Variants in UNG observed in about 807,000 individuals in gnomAD.
UNG encodes uracil-DNA glycosylase.
A neutral mutation model predicts 36.5 loss-of-function variants in UNG; 34 were observed. That is an observed-to-expected ratio of 0.93 (90% confidence interval 0.71 to 1.24). The LOEUF (loss-of-function observed/expected upper bound fraction) is 1.24. UNG is among the 50% of genes most tolerant of loss of function. The pLI, the probability that UNG is intolerant of heterozygous loss-of-function variation, is 0.00. For missense variants in UNG, 391 were observed against 397.6 expected, an observed-to-expected ratio of 0.98 and a Z score of 0.14; for synonymous variants, 172 against 157.8, an observed-to-expected ratio of 1.09 and a Z score of -0.67.
intron 2 of UNG, 136 bp from the exon 3 acceptor site, chr12:109,099,052 GT>G: frequency 1.1e-6 from 1 of 924,872 alleles, no homozygotes. Flanking sequence ...TTTGTTTGTT[GT>G]TTTTTAAAAG....
intron 6 of UNG, among the ~76,000 whole-genome samples, chr12:109,106,024 A>G (rs781658709): frequency 1.2e-4 from 18 of 152,178 alleles, no homozygotes; most frequent in Non-Finnish European, 2.5e-4. Context: ...CTGCCTTTGC[A>G]TATCCTGCTT....
intron 6 of UNG, among the ~76,000 whole-genome samples, chr12:109,107,317 T>C (rs928489157): frequency 3.3e-5 from 5 of 151,808 alleles, no homozygotes; most frequent in South Asian, 4.2e-4. Flanking sequence ...CCTCCCACCT[T>C]AGTCACCTGA....
In UNG at chr12:109,110,108, G is replaced by A; in HGVS notation, c.*139G>A. ...CTTCCAGAAAGCAGCCATGAACCAG[G>A]CTGTCCAGGAATGGCAGCTGTATCC... On this transcript the variant is annotated 3_prime_UTR_variant, in exon 7 of 7. Transcript: ENST00000242576. 1.6e-6 allele frequency: 2 copies of A among 1,224,018 alleles called. No homozygotes were observed. The highest frequency in any genetic ancestry group is 2.5e-5 in the East Asian group (1 of 39,916). The allele number at this position is 1,224,018 out of a possible 1,614,324, so 75.8% of individuals were successfully genotyped here.
At chr12:109,102,713 G>A (rs1243209774) in intron 4 of UNG, 126 bp from the exon 5 acceptor site, 2 of 727,550 alleles carry the variant, frequency 2.7e-6, no homozygotes, top group Non-Finnish European at 4.9e-6. Flanking sequence ...GGCGCCATAT[G>A]TGCCAGTGTC....
rs1284981897 is a variant in UNG, at chr12:109,101,926, G to A, written c.460G>A (p.Asp154Asn). The A allele has an allele frequency of 1.2e-6, 2 of 1,614,018 alleles. No homozygotes were observed. ...KDVKVVILGQ[D>N]PYHGPNQAHG... ...GGTGAAGGTTGTCATCCTGGGACAGGATCCATATCATGGACCTAATCAAGC... is the reference window on the plus strand; with the variant it reads ...GGTGAAGGTTGTCATCCTGGGACAGAATCCATATCATGGACCTAATCAAGC... Residue 154 changes from aspartate (D) to asparagine (N), a missense_variant, in exon 4 of 7, where the codon GAT becomes AAT. Physicochemically the swap from Asp to Asn is conservative, Grantham distance 23. Coordinates refer to ENST00000242576, the MANE Select transcript of UNG (RefSeq NM_080911.3).
rs1373938924 is a variant in UNG at position 109,110,834 on chromosome 12, G to T, written c.*865G>T. 1 of 150,188 alleles carries T rather than the reference G, an allele frequency of 6.7e-6. No homozygotes were observed. Among genetic ancestry groups the T allele is most frequent in the African/African-American group, 2.4e-5 (1 of 40,920 alleles). 9.3% of individuals were successfully genotyped at this position (150,188 alleles called of 1,614,324 possible). Reference sequence around the variant, plus strand: ...TAGTTTTTTAAGAAGTACTCATGCAGATATATATATATATATTTTTCCCAG... The same window carrying T: ...TAGTTTTTTAAGAAGTACTCATGCATATATATATATATATATTTTTCCCAG... On this transcript the variant is annotated 3_prime_UTR_variant, in exon 7 of 7. Coordinates refer to ENST00000242576, the MANE Select transcript of UNG (RefSeq NM_080911.3).
chr12:109,101,652 A>G (rs998007144), intron 3 of UNG, among the ~76,000 whole-genome samples: 3 of 152,170 alleles, frequency 2.0e-5, no homozygotes, highest in Admixed American at 6.5e-5. Context: ...CGAGGCTGCC[A>G]TGAGCTGTGA....
chr12:109,098,694 T>A, intron 2 of UNG, 56 bp downstream of exon 2: 2 of 1,610,632 alleles, frequency 1.2e-6, no homozygotes, highest in Non-Finnish European at 1.7e-6. Flanking sequence ...CCGGCCCTTT[T>A]GTCTTGTTAG....
chr12:109,098,645 A>G lies in UNG; in HGVS notation c.339+7A>G. 1 of 1,613,266 alleles carries G rather than the reference A, an allele frequency of 6.2e-7. No homozygotes were observed. Among genetic ancestry groups the G allele is most frequent in the African/African-American group, 1.3e-5 (1 of 75,062 alleles). Reference sequence around the variant, plus strand: ...GAAACCGTATTTTATCAAGGTAAATATGGAAATGCACCTTCCATAAGGGTA... The same window carrying G: ...GAAACCGTATTTTATCAAGGTAAATGTGGAAATGCACCTTCCATAAGGGTA... On this transcript the variant is annotated splice_region_variant and intron_variant, in intron 2 of 6. Coordinates refer to ENST00000242576, the MANE Select transcript of UNG (RefSeq NM_080911.3).
chr12:109,102,863 G>A lies in UNG; in HGVS notation c.558G>A (p.Leu186=), dbSNP rs1279882347. ...PPSLENIYKE[L]STDIEDFVHP... is the part of the protein sequence containing the mutation. Reference sequence around the variant, plus strand: ...GTTTGGAGAACATTTATAAAGAGTTGTCTACAGACATAGAGGATTTTGTTC... The same window carrying A: ...GTTTGGAGAACATTTATAAAGAGTTATCTACAGACATAGAGGATTTTGTTC... The change falls in exon 5 of 7, where the codon TTG becomes TTA. Residue 186 remains leucine (L), a synonymous_variant. Coordinates refer to ENST00000242576, the MANE Select transcript of UNG (RefSeq NM_080911.3). 1 of 1,611,672 alleles carries A rather than the reference G, an allele frequency of 6.2e-7. No individual in the cohort carries two copies. The highest frequency in any genetic ancestry group is 2.2e-5 in the East Asian group (1 of 44,752).
intron 4 of UNG, among the ~76,000 whole-genome samples, chr12:109,102,541 A>G (rs3021100): frequency 6.6e-6 from 1 of 152,136 alleles, no homozygotes; most frequent in South Asian, 2.1e-4. Context: ...TGCTAAGGAC[A>G]GAAAACTGTC....
At chr12:109,106,492 A>G (rs1048790870) in intron 6 of UNG, among the ~76,000 whole-genome samples, 5 of 152,144 alleles carry the variant, frequency 3.3e-5, no homozygotes, top group Non-Finnish European at 5.9e-5. Flanking sequence ...AAAATGGTCT[A>G]TATCTCCCTG....
chr12:109,106,905 G>GTGTATATATATATATA (rs1428379961), intron 6 of UNG, among the ~76,000 whole-genome samples: 5 of 44,752 alleles, frequency 1.1e-4, no homozygotes, highest in African/African-American at 4.6e-4. Flanking sequence ...ATATATATAC[G>GTGTATATATATATATA]TATATATATA....
In UNG at chr12:109,097,849, G is replaced by A. The variant is rs1410758377; in HGVS notation, c.132+38G>A. ...TTGGGCCGGGGCTAGGGGGTGAAGG[G>A]GGAGGAAGGCGGTGGGCCCCGCCTG... On this transcript the variant is annotated intron_variant, in intron 1 of 6. Transcript: ENST00000242576. 16 of 1,492,702 alleles carry A rather than the reference G, an allele frequency of 1.1e-5. No homozygotes were observed. In the South Asian group the frequency reaches 1.7e-4, roughly 16 times the overall value. 92.5% of individuals were successfully genotyped at this position (1,492,702 alleles called of 1,614,324 possible).
rs2042249713 is a variant in UNG, at chr12:109,110,048, A to G, written c.*79A>G. ...ACGAAGTTCCACTGAAAATTTTCCT[A>G]TTAATTCTTAAGTACTCTGCATAAG... is the stretch of plus-strand genomic sequence containing the variant. On this transcript the variant is annotated 3_prime_UTR_variant, in exon 7 of 7. Transcript: ENST00000242576. 1.9e-6 allele frequency: 3 copies of G among 1,601,528 alleles called. No homozygotes were observed. Among genetic ancestry groups the G allele is most frequent in the Admixed American group, 1.7e-5 (1 of 59,156 alleles).
Position 109,110,080 on chromosome 12 carries a change from A to G in UNG, c.*111A>G. The G allele has an allele frequency of 6.7e-7, 1 of 1,484,380 alleles. No homozygotes were observed. The highest frequency in any genetic ancestry group is 9.2e-7 in the Non-Finnish European group (1 of 1,087,840). The allele number at this position is 1,484,380 out of a possible 1,614,324, so 92.0% of individuals were successfully genotyped here. A position where few individuals can be genotyped will look rare whatever the true frequency, so the allele number is the denominator to read the frequency against. ...CTTAAGTACTCTGCATAAGGGGGAA[A>G]AGCTTCCAGAAAGCAGCCATGAACC... On this transcript the variant is annotated 3_prime_UTR_variant, in exon 7 of 7. Transcript: ENST00000242576.
At position 109,097,767 on chromosome 12, in the gene UNG, G is replaced by T; in HGVS notation, c.88G>T (p.Gly30Trp). The T allele has an allele frequency of 6.4e-7, 1 of 1,566,890 alleles. No individual in the cohort carries two copies. Among genetic ancestry groups the T allele is most frequent in the East Asian group, 2.4e-5 (1 of 41,782 alleles). Residue 30 changes from glycine (G) to tryptophan (W), a missense_variant, in exon 1 of 7, where the codon GGG (glycine) becomes TGG (tryptophan). Physicochemically the swap from Gly to Trp is radical, Grantham distance 184. Transcript: ENST00000242576. ...CCCCAGCCCCGAGCCGGCCGTCCAG[G>T]GGACCGGCGTGGCTGGGGTGCCTGA... ...HAPSPEPAVQ[G>W]TGVAGVPEES...
At chr12:109,105,581 GA>G (rs1156447167) in intron 6 of UNG, among the ~76,000 whole-genome samples, 1 of 152,126 alleles carries the variant, frequency 6.6e-6, no homozygotes, top group African/African-American at 2.4e-5. Flanking sequence ...TTTTCCAAAC[GA>G]AGTTTCTCCT....
intron 6 of UNG, among the ~76,000 whole-genome samples, chr12:109,108,413 A>C (rs1474256514): frequency 1.3e-5 from 2 of 152,040 alleles, no homozygotes; most frequent in Admixed American, 6.6e-5. Flanking sequence ...GTGGCGGATC[A>C]CTTGAGCTCA....
Sources: allele counts gnomAD v4.1 joint callset (sites outside exome capture counted in the v4.1 genomes callset), GRCh38; gene constraint gnomAD v4.1.1; transcripts MANE v1.5; gene names NCBI Gene and HGNC (gene_info 2026-07-23, HGNC 2026-07-21).